LELP1: variants seen among roughly 807,000 people sequenced by gnomAD.
The protein encoded by LELP1 is late cornified envelope-like proline-rich protein 1.
A neutral mutation model predicts 0.3 loss-of-function variants in LELP1; 1 was observed. The observed-to-expected ratio is 2.87, with a 90% CI of 1.02 to 13.63. The LOEUF (loss-of-function observed/expected upper bound fraction) is 13.63, where lower values mean the gene tolerates loss of function less well. Ranked by LOEUF, LELP1 falls within the 30% of genes most tolerant of loss-of-function variation. LELP1 has a pLI of 0.12. For synonymous variants in LELP1, 57 were observed against 45.9 expected, an observed-to-expected ratio of 1.24 and a Z score of -0.97; for missense variants, 122 against 118.7, an observed-to-expected ratio of 1.03 and a Z score of -0.13.
intron 1 of LELP1, 44 bp from the exon 2 acceptor site, chr1:153,204,643 A>G (rs1256186509): frequency 3.6e-6 from 5 of 1,371,116 alleles, no homozygotes; most frequent in Non-Finnish European, 4.1e-6. Flanking sequence ...AGAAGCCTGT[A>G]GGTATCCTCT....
In LELP1 at chr1:153,205,092, A is replaced by G; in HGVS notation, c.*88A>G. The stretch of plus-strand genomic sequence containing the variant: ...GGCTGGAGACTGAAACCATGAACTG[A>G]CAAGTAAACGTGTTCCTCTGCTGTG... On this transcript the variant is annotated 3_prime_UTR_variant, in exon 2 of 2. Transcript: ENST00000368747. 1 of 998,868 alleles carries G rather than the reference A, an allele frequency of 1.0e-6. No individual in the cohort carries two copies. The highest frequency in any genetic ancestry group is 1.5e-6 in the Non-Finnish European group (1 of 664,712). The allele number at this position is 998,868 out of a possible 1,614,324, so 61.9% of individuals were successfully genotyped here. A position where few individuals can be genotyped will look rare whatever the true frequency, so the allele number is the denominator to read the frequency against.
rs2101678607 is a variant in LELP1, at chr1:153,204,888, T to C, written c.181T>C (p.Cys61Arg). The change falls in exon 2 of 2, where the codon TGC becomes CGC. Residue 61 changes from cysteine to arginine, a missense_variant. Coordinates refer to ENST00000368747, the MANE Select transcript of LELP1 (RefSeq NM_001010857.3). ...KCPAPPKCLP[C>R]PSQSPSSCPP... ...TCCAGCACCACCCAAGTGCCTGCCC[T>C]GCCCCTCGCAGTCTCCTTCATCCTG... 2 of 1,614,068 alleles carry C rather than the reference T, an allele frequency of 1.2e-6. No homozygotes were observed. Among genetic ancestry groups the C allele is most frequent in the East Asian group, 4.5e-5 (2 of 44,876 alleles).
rs1455286943 is a variant in LELP1, at chr1:153,204,945, C to T, written c.238C>T (p.Pro80Ser). 6.2e-7 allele frequency: 1 copy of T among 1,614,112 alleles called. No homozygotes were observed. The highest frequency in any genetic ancestry group is 1.7e-5 in the Admixed American group (1 of 60,030). The part of the protein sequence containing the change: ...PPQPCTKPCP[P>S]KCPSSCPHAC... ...CCAGCCCTGCACCAAGCCCTGTCCT[C>T]CTAAATGCCCTTCATCCTGCCCACA... The change falls in exon 2 of 2, where the codon CCT (proline) becomes TCT (serine). Residue 80 changes from proline (P) to serine (S), a missense_variant. Physicochemically the swap from Pro to Ser is moderately conservative, Grantham distance 74. Coordinates refer to ENST00000368747, the MANE Select transcript of LELP1 (RefSeq NM_001010857.3).
At position 153,205,053 on chromosome 1, in the gene LELP1, G is replaced by GTACA; in HGVS notation, c.*50_*53dup. The GTACA allele has an allele frequency of 7.1e-7, 1 of 1,400,310 alleles. No individual in the cohort carries two copies. The highest frequency in any genetic ancestry group is 1.0e-6 in the Non-Finnish European group (1 of 997,888). The allele number at this position is 1,400,310 out of a possible 1,614,324, so 86.7% of individuals were successfully genotyped here. On this transcript the variant is annotated 3_prime_UTR_variant, in exon 2 of 2. Transcript: ENST00000368747. The stretch of plus-strand genomic sequence containing the variant: ...CCACCACCACTGCCACCTCCACCAT[G>GTACA]TACAACGCTGTGGGGCTGGAGACTG...
rs1249125149 is a variant in LELP1, at chr1:153,203,523, C to G, written c.-30C>G. 6.6e-6 allele frequency: 1 copy of G among 152,214 alleles called. No individual in the cohort carries two copies. The highest frequency in any genetic ancestry group is 1.5e-5 in the Non-Finnish European group (1 of 68,074). 9.4% of individuals were successfully genotyped at this position (152,214 alleles called of 1,614,324 possible). A position where few individuals can be genotyped will look rare whatever the true frequency, so the allele number is the denominator to read the frequency against. ...AACTGCTTGTCAAGTTCACCACCAA[C>G]ACAGAGGGGTAAGTTGCATTTGGAC... On this transcript the variant is annotated 5_prime_UTR_variant, in exon 1 of 2. Coordinates refer to ENST00000368747, the MANE Select transcript of LELP1 (RefSeq NM_001010857.3).
In LELP1 at chr1:153,205,042, A is replaced by G. The variant is rs1364729044; in HGVS notation, c.*38A>G. On this transcript the variant is annotated 3_prime_UTR_variant, in exon 2 of 2. Coordinates refer to ENST00000368747, the MANE Select transcript of LELP1 (RefSeq NM_001010857.3). ...ACTACCCAACCCCACCACCACTGCC[A>G]CCTCCACCATGTACAACGCTGTGGG... 1 of 1,490,748 alleles carries G rather than the reference A, an allele frequency of 6.7e-7. No homozygotes were observed. The highest frequency in any genetic ancestry group is 9.3e-7 in the Non-Finnish European group (1 of 1,074,138). The allele number at this position is 1,490,748 out of a possible 1,614,324, so 92.3% of individuals were successfully genotyped here.
Position 153,205,028 on chromosome 1 carries a change from C to A in LELP1, c.*24C>A. 1 of 1,575,066 alleles carries A rather than the reference C, an allele frequency of 6.3e-7. No homozygotes were observed. The highest frequency in any genetic ancestry group is 8.7e-7 in the Non-Finnish European group (1 of 1,147,158). ...GAGGCACTGTGGGCACTACCCAACC[C>A]CACCACCACTGCCACCTCCACCATG... On this transcript the variant is annotated 3_prime_UTR_variant, in exon 2 of 2. Transcript: ENST00000368747.
In LELP1 at chr1:153,204,688, G is replaced by A. The variant is rs747446151; in HGVS notation, c.-20G>A. The A allele has an allele frequency of 6.2e-7, 1 of 1,608,782 alleles. No homozygotes were observed. The highest frequency in any genetic ancestry group is 1.1e-5 in the South Asian group (1 of 90,930). ...AATGCATCTCATATTTCTTTGCAGG[G>A]CTCAGATAATCAAGAAACAATGTCG... On this transcript the variant is annotated splice_region_variant and 5_prime_UTR_variant, in exon 2 of 2. Coordinates refer to ENST00000368747, the MANE Select transcript of LELP1 (RefSeq NM_001010857.3).
At position 153,204,775 on chromosome 1, in the gene LELP1, G is replaced by T; in HGVS notation, c.68G>T (p.Cys23Phe). The stretch of plus-strand genomic sequence containing the variant: ...GAGCCCAAGAACTGCGATCCCAAGT[G>T]TGAACAAAAGTGTGAGTCCAAATGC... ...KTEPKNCDPKCEQKCESKCQP... is the reference protein window; with the variant it reads ...KTEPKNCDPKFEQKCESKCQP... The change falls in exon 2 of 2, where the codon TGT becomes TTT. Residue 23 changes from cysteine (C) to phenylalanine (F), a missense_variant. By Grantham distance (205) the Cys-to-Phe change is radical (BLOSUM62 -2). Transcript: ENST00000368747. 1 of 1,614,126 alleles carries T rather than the reference G, an allele frequency of 6.2e-7. No homozygotes were observed. The highest frequency in any genetic ancestry group is 8.5e-7 in the Non-Finnish European group (1 of 1,179,964).
In LELP1 at chr1:153,203,479, C is replaced by CAT. The variant is rs1032392027; in HGVS notation, c.-72_-71dup. 6.6e-6 allele frequency: 1 copy of CAT among 152,214 alleles called. No individual in the cohort carries two copies. The highest frequency in any genetic ancestry group is 2.4e-5 in the African/African-American group (1 of 41,410). 9.4% of individuals were successfully genotyped at this position (152,214 alleles called of 1,614,324 possible). A position where few individuals can be genotyped will look rare whatever the true frequency, so the allele number is the denominator to read the frequency against. On this transcript the variant is annotated 5_prime_UTR_variant, in exon 1 of 2. Coordinates refer to ENST00000368747, the MANE Select transcript of LELP1 (RefSeq NM_001010857.3). ...GAAAAGCCACCTTCCCAGGCACAGC[C>CAT]ATAACATCCACCTCACTCAACTGCT...
intron 1 of LELP1, among the ~76,000 whole-genome samples, chr1:153,204,108 G>C (rs1260631883): frequency 1.3e-5 from 2 of 152,124 alleles, no homozygotes; most frequent in African/African-American, 4.8e-5. Context: ...CTCATGGCAG[G>C]GATTAAATTA....
At chr1:153,204,224 T>C (rs1053989082) in intron 1 of LELP1, among the ~76,000 whole-genome samples, 2 of 152,202 alleles carry the variant, frequency 1.3e-5, no homozygotes, top group Admixed American at 1.3e-4. Context: ...AGTCTGCTAG[T>C]GTACCTCCCA....
intron 1 of LELP1, among the ~76,000 whole-genome samples, chr1:153,203,871 T>C (rs1240917260): frequency 1.3e-5 from 2 of 152,218 alleles, no homozygotes; most frequent in African/African-American, 4.8e-5. Context: ...TGTCCATATC[T>C]AGGAGTTAAA....
Position 153,204,815 on chromosome 1 carries a change from A to C in LELP1, c.108A>C (p.Leu36Phe), listed in dbSNP as rs771303232. 4 of 1,614,208 alleles carry C rather than the reference A, an allele frequency of 2.5e-6. No individual in the cohort carries two copies. Among genetic ancestry groups the C allele is most frequent in the South Asian group, 1.1e-5 (1 of 91,086 alleles). The change falls in exon 2 of 2, where the codon TTA becomes TTC. Residue 36 changes from leucine to phenylalanine, a missense_variant. Transcript: ENST00000368747. ...AGTCCAAATGCCAGCCCAGCTGTTT[A>C]AAGAAGCTGCTGCAACGCTGTTTCG... Reference protein sequence around the residue: ...KCESKCQPSCLKKLLQRCFEK... With the variant: ...KCESKCQPSCFKKLLQRCFEK...
chr1:153,203,611 C>T (rs1397807631), intron 1 of LELP1, 80 bp downstream of exon 1: 1 of 152,154 alleles, frequency 6.6e-6, no homozygotes, highest in Non-Finnish European at 1.5e-5. Flanking sequence ...ACCCCACGCA[C>T]TGAGCAGGGT....
rs979999415 is a variant in LELP1, at chr1:153,204,962, C to A, written c.255C>A (p.Ser85=). The A allele has an allele frequency of 3.7e-6, 6 of 1,613,966 alleles. No homozygotes were observed. In the Admixed American group the frequency reaches 5.0e-5, roughly 13 times the overall value. ...CCTGTCCTCCTAAATGCCCTTCATC[C>A]TGCCCACATGCTTGCCCACCTCCCT... ...TKPCPPKCPS[S]CPHACPPPCP... is the part of the protein sequence containing the mutation. Residue 85 remains serine, a synonymous_variant, in exon 2 of 2, where the codon TCC becomes TCA. Transcript: ENST00000368747.
Position 153,204,801 on chromosome 1 carries a change from C to A in LELP1, c.94C>A (p.Gln32Lys). ...TGAACAAAAGTGTGAGTCCAAATGC[C>A]AGCCCAGCTGTTTAAAGAAGCTGCT... The part of the protein sequence containing the change: ...KCEQKCESKC[Q>K]PSCLKKLLQR... Residue 32 changes from glutamine (Q) to lysine (K), a missense_variant, in exon 2 of 2, where the codon CAG becomes AAG. Gln to Lys is a moderately conservative substitution (Grantham distance 53). Transcript: ENST00000368747. The A allele has an allele frequency of 6.2e-7, 1 of 1,614,156 alleles. No individual in the cohort carries two copies. Among genetic ancestry groups the A allele is most frequent in the South Asian group, 1.1e-5 (1 of 91,082 alleles).
chr1:153,204,684 C>T lies in LELP1; in HGVS notation c.-21-3C>T. 1 of 1,604,758 alleles carries T rather than the reference C, an allele frequency of 6.2e-7. No individual in the cohort carries two copies. Among genetic ancestry groups the T allele is most frequent in the Non-Finnish European group, 8.5e-7 (1 of 1,172,006 alleles). On this transcript the variant is annotated splice_polypyrimidine_tract_variant and splice_region_variant and intron_variant, in intron 1 of 1. Coordinates refer to ENST00000368747, the MANE Select transcript of LELP1 (RefSeq NM_001010857.3). ...CTACAATGCATCTCATATTTCTTTG[C>T]AGGGCTCAGATAATCAAGAAACAAT...
rs755014572 is a variant in LELP1, at chr1:153,203,939, C to CCCTT, written c.-22+410_-22+413dup. Among the ~76,000 whole-genome samples, 6 of 152,086 alleles carry CCCTT rather than the reference C, an allele frequency of 3.9e-5. No homozygotes were observed. The East Asian group carries it at 5.8e-4, about 15-fold the overall frequency. ...AACTCAACAGGAGAGAAAAGGAATT[C>CCCTT]CCTTCTGAAAATCACATTTTGTGGC... is the stretch of plus-strand genomic sequence containing the variant. On this transcript the variant is annotated intron_variant, in intron 1 of 1. Transcript: ENST00000368747.
Sources: allele counts gnomAD v4.1 joint callset (sites outside exome capture counted in the v4.1 genomes callset), GRCh38; gene constraint gnomAD v4.1.1; transcripts MANE v1.5; gene names NCBI Gene and HGNC (gene_info 2026-07-23, HGNC 2026-07-21).